RBFOX1: variants seen among roughly 807,000 people sequenced by gnomAD.
RBFOX1 encodes the protein RNA binding fox-1 homolog 1.
RBFOX1 carries 8 observed loss-of-function variants against 57.7 expected under a neutral mutation model. The ratio of observed to expected loss-of-function variants is 0.14; its 90% CI spans 0.08 to 0.25. The LOEUF is 0.25. Among genes scored for constraint, RBFOX1 ranks in the 10% least tolerant of loss-of-function variants. The pLI, the probability that RBFOX1 is intolerant of heterozygous loss-of-function variation, is 1.00. For missense variants in RBFOX1, 611 were observed against 548.5 expected (o/e 1.11, Z -1.14); for synonymous variants, 326 against 222.4 (o/e 1.47, Z -4.15).
At chr16:5,982,475 C>T (rs2060193741) in intron 4 of RBFOX1, among the ~76,000 whole-genome samples, 1 of 152,056 alleles carries the variant, frequency 6.6e-6, no homozygotes, top group African/African-American at 2.4e-5. Context: ...GGGGTTTCGC[C>T]ATGTTGGTCA....
At chr16:7,064,804 CT>C (rs2055539653) in intron 4 of RBFOX1, among the ~76,000 whole-genome samples, 1 of 152,214 alleles carries the variant, frequency 6.6e-6, no homozygotes, top group African/African-American at 2.4e-5. Flanking sequence ...ATAGTTCATC[CT>C]GATGTGTATT....
rs185134184 is a variant in RBFOX1 at position 5,541,304 on chromosome 16, A to G, written c.259-57598A>G. On this transcript the variant is annotated intron_variant, in intron 2 of 2. Coordinates refer to the RBFOX1 transcript ENST00000585867. ...GAAAATCTGAGACAGGTCTCAGTTA[A>G]TTTAGAGAGTTTATTTTGTCAAGGT... Among the ~76,000 whole-genome samples the G allele has an allele frequency of 4.1e-4, 63 of 152,200 alleles. No homozygotes were observed. The East Asian group carries it at 6.8e-3, about 16-fold the overall frequency.
chr16:7,018,502 T>C (rs1044145625), intron 3 of RBFOX1, among the ~76,000 whole-genome samples: 1 of 152,174 alleles, frequency 6.6e-6, no homozygotes, highest in South Asian at 2.1e-4. Context: ...ATTGGTTCCA[T>C]GTCTTTGCTA....
chr16:6,349,062 T>G (rs554700579), intron 2 of RBFOX1, among the ~76,000 whole-genome samples: 1 of 152,292 alleles, frequency 6.6e-6, no homozygotes, highest in South Asian at 2.1e-4. Context: ...GAATAACTGT[T>G]GGCTAGGCGA....
At chr16:6,845,249 C>A (rs912693615) in intron 3 of RBFOX1, among the ~76,000 whole-genome samples, 3 of 151,854 alleles carry the variant, frequency 2.0e-5, no homozygotes, top group Non-Finnish European at 4.4e-5. Context: ...TGAATCCTTG[C>A]CCGTACCTGT....
At position 5,340,859 on chromosome 16, in the gene RBFOX1, C is replaced by T. The variant is rs144129943; in HGVS notation, c.219+100754C>T. Among the ~76,000 whole-genome samples, 229 of 152,238 alleles carry T rather than the reference C, an allele frequency of 1.5e-3. 1 individual carries two copies. Among genetic ancestry groups the T allele is most frequent in the African/African-American group, 5.2e-3 (218 of 41,532 alleles). On this transcript the variant is annotated intron_variant, in intron 1 of 2. Transcript: ENST00000585867. Reference sequence around the variant, plus strand: ...GCACAACAGACAAGTCCTACAGTTCCAGACAGTGATGAGGACTCAGGAGAG... The same window carrying T: ...GCACAACAGACAAGTCCTACAGTTCTAGACAGTGATGAGGACTCAGGAGAG...
chr16:7,446,237 A>C (rs1056455666), intron 4 of RBFOX1, among the ~76,000 whole-genome samples: 1 of 152,200 alleles, frequency 6.6e-6, no homozygotes, highest in Non-Finnish European at 1.5e-5. Context: ...CCCCAGACCC[A>C]TGCGAATTGA....
At chr16:5,550,260 C>T (rs981976697) in intron 2 of RBFOX1, among the ~76,000 whole-genome samples, 2 of 152,122 alleles carry the variant, frequency 1.3e-5, no homozygotes, top group Non-Finnish European at 2.9e-5. Flanking sequence ...TCAAGAGCAC[C>T]CAATCGTGGC....
At chr16:7,098,998 C>T (rs990535772) in intron 4 of RBFOX1, among the ~76,000 whole-genome samples, 3 of 152,092 alleles carry the variant, frequency 2.0e-5, no homozygotes, top group African/African-American at 7.2e-5. Flanking sequence ...ATGGCTGCCT[C>T]TTTTTGGTGG....
At chr16:5,447,215 T>C (rs917869325) in intron 1 of RBFOX1, among the ~76,000 whole-genome samples, 18 of 152,076 alleles carry the variant, frequency 1.2e-4, no homozygotes, top group African/African-American at 3.9e-4. Flanking sequence ...TGCCACCTTC[T>C]TGGTGAAGGC....
At chr16:7,056,512 T>C (rs2052327786) in intron 4 of RBFOX1, among the ~76,000 whole-genome samples, 1 of 152,134 alleles carries the variant, frequency 6.6e-6, no homozygotes, top group Non-Finnish European at 1.5e-5. Flanking sequence ...AGTGACCATA[T>C]CCAATTATCA....
intron 1 of RBFOX1, among the ~76,000 whole-genome samples, chr16:6,256,145 A>G (rs12598537): frequency 0.02 from 319 of 15,670 alleles, 3 homozygotes; most frequent in Non-Finnish European, 0.038. Flanking sequence ...ATATGTGTGT[A>G]TATATATATA....
chr16:6,686,334 C>G (rs1310307943), intron 3 of RBFOX1, among the ~76,000 whole-genome samples: 2 of 152,146 alleles, frequency 1.3e-5, no homozygotes, highest in South Asian at 4.1e-4. Flanking sequence ...TCTGAGCCCT[C>G]GCCCCTCCTC....
chr16:7,571,368 T>C (rs931192130), intron 5 of RBFOX1, among the ~76,000 whole-genome samples: 5 of 152,194 alleles, frequency 3.3e-5, no homozygotes, highest in African/African-American at 7.2e-5. Context: ...TACACGACTA[T>C]GCATTTTCTC....
At chr16:6,521,753 C>T (rs556927075) in intron 2 of RBFOX1, among the ~76,000 whole-genome samples, 202 of 152,140 alleles carry the variant, frequency 1.3e-3, no homozygotes, top group Admixed American at 1.6e-3. Context: ...ACTTTAGATA[C>T]GCTTTGTAAA....
chr16:6,948,931 C>A (rs996900583), intron 3 of RBFOX1, among the ~76,000 whole-genome samples: 13 of 152,048 alleles, frequency 8.5e-5, no homozygotes, highest in Admixed American at 2.0e-4. Context: ...TGGGTTATAC[C>A]ATCCTACGTT....
chr16:7,440,884 G>C (rs1156454158), intron 4 of RBFOX1, among the ~76,000 whole-genome samples: 1 of 152,104 alleles, frequency 6.6e-6, no homozygotes, highest in Non-Finnish European at 1.5e-5. Context: ...ATATAGTACA[G>C]CTCAATTAGC....
intron 2 of RBFOX1, among the ~76,000 whole-genome samples, chr16:6,571,974 C>A (rs952773483): frequency 5.3e-5 from 8 of 152,122 alleles, no homozygotes; most frequent in African/African-American, 1.4e-4. Context: ...CCTGTGTTAA[C>A]AATTTGGTGA....
intron 3 of RBFOX1, among the ~76,000 whole-genome samples, chr16:6,917,588 G>C (rs9926947): frequency 0.035 from 5,335 of 152,128 alleles, 267 homozygotes; most frequent in African/African-American, 0.12. Flanking sequence ...TAAAAGTTAG[G>C]AAGCTCTGAC....
Sources: gnomAD v4.1 joint callset for allele counts (sites outside exome capture counted in the v4.1 genomes callset) on GRCh38, gnomAD v4.1.1 for gene constraint, MANE v1.5 for transcripts, NCBI Gene and HGNC (gene_info 2026-07-23, HGNC 2026-07-21) for gene names.